WWC1: variants seen among roughly 807,000 people sequenced by gnomAD.
The protein encoded by WWC1 is WW and C2 domain containing 1.
A neutral mutation model predicts 138.4 loss-of-function variants in WWC1; 55 were observed. The ratio of observed to expected loss-of-function variants is 0.40; its 90% CI spans 0.32 to 0.50. The LOEUF (loss-of-function observed/expected upper bound fraction) is 0.50. Ranked by LOEUF, WWC1 falls within the 20% of genes least tolerant of loss-of-function variation. WWC1 has a pLI of 0.72. For synonymous variants in WWC1, 524 were observed against 564.9 expected (o/e 0.93, Z 1.03); for missense variants, 1,226 against 1,420.4 (o/e 0.86, Z 2.20).
chr5:168,334,847 C>G (rs879578302), intron 1 of WWC1, among the ~76,000 whole-genome samples: 1 of 152,232 alleles, frequency 6.6e-6, no homozygotes, highest in African/African-American at 2.4e-5. Flanking sequence ...AGCGCCTGAG[C>G]GCCTGGAGCC....
At chr5:168,396,434 G>A (rs1426606836) in intron 3 of WWC1, among the ~76,000 whole-genome samples, 1 of 152,158 alleles carries the variant, frequency 6.6e-6, no homozygotes, top group African/African-American at 2.4e-5. Flanking sequence ...CAGGTGATTT[G>A]GCTACATGTG....
chr5:168,412,169 TG>T (rs1780278053), intron 8 of WWC1: 1 of 985,352 alleles, frequency 1.0e-6, no homozygotes, highest in Non-Finnish European at 1.2e-6. Flanking sequence ...GTGCTCTCTC[TG>T]GAGTTGAGCC....
chr5:168,453,013 C>A (rs1755972047), intron 17 of WWC1, among the ~76,000 whole-genome samples: 1 of 152,158 alleles, frequency 6.6e-6, no homozygotes, highest in Admixed American at 6.5e-5. Flanking sequence ...TCGCTTGAGC[C>A]CAGTAGTTTG....
Position 168,455,353 on chromosome 5 carries a change from C to T in WWC1, c.2659-3C>T, listed in dbSNP as rs112593900. On this transcript the variant is annotated splice_region_variant and splice_polypyrimidine_tract_variant and intron_variant, in intron 18 of 22. Transcript: ENST00000265293. ...TGGCTTCAAGGTGTGACTTCTTCCT[C>T]AGGTGGACAAAGAGACCAACACGGA... 2 of 1,565,370 alleles carry T rather than the reference C, an allele frequency of 1.3e-6. No homozygotes were observed. The highest frequency in any genetic ancestry group is 2.4e-5 in the East Asian group (1 of 41,504).
At chr5:168,412,927 G>A (rs1717014711) in intron 8 of WWC1, among the ~76,000 whole-genome samples, 5 of 152,116 alleles carry the variant, frequency 3.3e-5, no homozygotes, top group Admixed American at 3.3e-4. Flanking sequence ...GGAGGTCCTG[G>A]AACCAATCCC....
In WWC1 at chr5:168,449,633, G is replaced by C. The variant is rs78054782; in HGVS notation, c.2526-4335G>C. On this transcript the variant is annotated intron_variant, in intron 17 of 22. Transcript: ENST00000265293. ...TTGTTGCCCAGGCTAGAGTGCAATGGTGCGATCTCGGCTCACTGTGACCTC... is the reference window on the plus strand; with the variant it reads ...TTGTTGCCCAGGCTAGAGTGCAATGCTGCGATCTCGGCTCACTGTGACCTC... Among the ~76,000 whole-genome samples, 61 of 141,500 alleles carry C rather than the reference G, an allele frequency of 4.3e-4. No homozygotes were observed. The East Asian group carries it at 6.3e-3, about 15-fold the overall frequency. The allele number at this position is 141,500 out of a possible 152,430, so 92.8% of individuals were successfully genotyped here. A position where few individuals can be genotyped will look rare whatever the true frequency, so the allele number is the denominator to read the frequency against.
intron 1 of WWC1, among the ~76,000 whole-genome samples, chr5:168,307,927 T>C (rs916129661): frequency 3.3e-5 from 5 of 152,132 alleles, no homozygotes; most frequent in Admixed American, 2.0e-4. Flanking sequence ...CCCTTCTTTT[T>C]ATGGACTGTT....
chr5:168,332,949 T>C (rs576507440), intron 1 of WWC1, among the ~76,000 whole-genome samples: 14 of 152,300 alleles, frequency 9.2e-5, no homozygotes, highest in African/African-American at 3.4e-4. Context: ...GCTCAAGCAA[T>C]CTACCCTCCT....
At chr5:168,468,544 A>G (rs536527922) in intron 22 of WWC1, among the ~76,000 whole-genome samples, 2 of 152,342 alleles carry the variant, frequency 1.3e-5, no homozygotes, top group East Asian at 3.9e-4. Context: ...TAAAATGTAT[A>G]TTTGTACAAC....
At chr5:168,324,757 A>G (rs1772397533) in intron 1 of WWC1, among the ~76,000 whole-genome samples, 1 of 152,218 alleles carries the variant, frequency 6.6e-6, no homozygotes, top group African/African-American at 2.4e-5. Flanking sequence ...AAAAAAGAAC[A>G]AGACTCAAGT....
intron 1 of WWC1, among the ~76,000 whole-genome samples, chr5:168,316,990 AAT>A (rs1771657926): frequency 6.6e-6 from 1 of 152,216 alleles, no homozygotes; most frequent in Non-Finnish European, 1.5e-5. Context: ...GTAAAGTGAC[AAT>A]ATAGTTCAAA....
At chr5:168,378,090 C>T (rs1176176423) in intron 2 of WWC1, among the ~76,000 whole-genome samples, 1 of 152,154 alleles carries the variant, frequency 6.6e-6, no homozygotes, top group Non-Finnish European at 1.5e-5. Context: ...GAATACTATA[C>T]AGTCATTAAA....
intron 20 of WWC1, 66 bp downstream of exon 20, chr5:168,460,808 C>A: frequency 6.7e-7 from 1 of 1,494,218 alleles, no homozygotes; most frequent in South Asian, 1.1e-5. Flanking sequence ...GCCCTGTGTC[C>A]TGCACACACA....
intron 2 of WWC1, among the ~76,000 whole-genome samples, chr5:168,374,853 G>A (rs1027578126): frequency 6.6e-6 from 1 of 152,220 alleles, no homozygotes; most frequent in Non-Finnish European, 1.5e-5. Context: ...AGATTGGCCA[G>A]ATGCTGGAGG....
At chr5:168,437,054 C>T (rs1782404518) in intron 15 of WWC1, among the ~76,000 whole-genome samples, 1 of 146,132 alleles carries the variant, frequency 6.8e-6, no homozygotes, top group Admixed American at 7.0e-5. Context: ...AAAACTCTTC[C>T]TCCAGCCTCG....
At position 168,349,680 on chromosome 5, in the gene WWC1, C is replaced by G. The variant is rs80170042; in HGVS notation, c.120-21744C>G. Among the ~76,000 whole-genome samples, 551 of 152,258 alleles carry G rather than the reference C, an allele frequency of 3.6e-3. 4 individuals carry two copies. Among genetic ancestry groups the G allele is most frequent in the African/African-American group, 0.012 (518 of 41,552 alleles). ...TCCTCAGGAGTGCTTCCTTCTTTCTCCGTCATTTGACTGGCTCTCCTTCCC... is the reference window on the plus strand; with the variant it reads ...TCCTCAGGAGTGCTTCCTTCTTTCTGCGTCATTTGACTGGCTCTCCTTCCC... On this transcript the variant is annotated intron_variant, in intron 1 of 22. Transcript: ENST00000265293.
At chr5:168,308,736 A>T (rs1047397793) in intron 1 of WWC1, among the ~76,000 whole-genome samples, 2 of 152,234 alleles carry the variant, frequency 1.3e-5, no homozygotes, top group African/African-American at 4.8e-5. Flanking sequence ...AGAACCACTG[A>T]TCAAGGGAAT....
intron 9 of WWC1, among the ~76,000 whole-genome samples, chr5:168,419,276 A>T (rs1780897250): frequency 6.6e-6 from 1 of 152,178 alleles, no homozygotes; most frequent in Non-Finnish European, 1.5e-5. Flanking sequence ...ACATGAGGGG[A>T]TGGAGGCCAA....
intron 17 of WWC1, among the ~76,000 whole-genome samples, chr5:168,446,661 G>A (rs1278754023): frequency 3.9e-5 from 6 of 152,196 alleles, no homozygotes; most frequent in African/African-American, 7.2e-5. Flanking sequence ...TCACTGTTGG[G>A]CAAGTCGCTC....
Sources: gnomAD v4.1 joint callset for allele counts (sites outside exome capture counted in the v4.1 genomes callset) on GRCh38, gnomAD v4.1.1 for gene constraint, MANE v1.5 for transcripts, NCBI Gene and HGNC (gene_info 2026-07-23, HGNC 2026-07-21) for gene names.